Variants in PALM observed in about 807,000 individuals in gnomAD.
PALM encodes the protein paralemmin.
A neutral mutation model predicts 30.7 loss-of-function variants in PALM; 18 were observed. The observed-to-expected ratio is 0.59, with a 90% CI of 0.41 to 0.87. The LOEUF (loss-of-function observed/expected upper bound fraction) is 0.87, where lower values mean the gene tolerates loss of function less well. Ranked by LOEUF, PALM falls within the 40% of genes least tolerant of loss-of-function variation. PALM has a pLI of 0.00. For missense variants in PALM, 529 were observed against 555.4 expected, an observed-to-expected ratio of 0.95 and a Z score of 0.48; for synonymous variants, 286 against 242.8, an observed-to-expected ratio of 1.18 and a Z score of -1.66.
At chr19:741,519 C>CTGGGCTGCA (rs1478972286) in intron 8 of PALM, among the ~76,000 whole-genome samples, 167 of 986 alleles carry the variant, frequency 0.17, 52 homozygotes, top group African/African-American at 0.29. Context: ...TGAGGGGAGA[C>CTGGGCTGCA]GGGGTGAGGG....
intron 1 of PALM, among the ~76,000 whole-genome samples, chr19:711,491 T>C (rs1021189628): frequency 2.0e-5 from 3 of 152,180 alleles, no homozygotes; most frequent in African/African-American, 7.2e-5. Flanking sequence ...AAAGTCTCCG[T>C]TGGGTGCTAA....
intron 1 of PALM, among the ~76,000 whole-genome samples, chr19:716,597 C>G (rs1260651032): frequency 2.0e-5 from 3 of 152,152 alleles, no homozygotes; most frequent in African/African-American, 7.2e-5. Context: ...GACAGAGGCC[C>G]AGGGTTCTTC....
At chr19:726,772 G>A (rs1599148390) in intron 2 of PALM, among the ~76,000 whole-genome samples, 1 of 152,312 alleles carries the variant, frequency 6.6e-6, no homozygotes, top group South Asian at 2.1e-4. Context: ...CAAAGTGCTG[G>A]GATTACAGGC....
intron 3 of PALM, 76 bp downstream of exon 3, chr19:727,164 C>T: frequency 1.1e-5 from 10 of 925,620 alleles, no homozygotes; most frequent in South Asian, 1.4e-5. Flanking sequence ...CCTGCCCAAC[C>T]CTGACCCTGA....
intron 8 of PALM, among the ~76,000 whole-genome samples, chr19:743,690 G>A (rs908999118): frequency 2.6e-5 from 4 of 151,878 alleles, no homozygotes; most frequent in South Asian, 2.1e-4. Flanking sequence ...CCAGGCAGCC[G>A]TGTTTCTAGA....
chr19:729,704 C>T (rs1410088673), intron 4 of PALM, among the ~76,000 whole-genome samples: 3 of 151,940 alleles, frequency 2.0e-5, no homozygotes, highest in Admixed American at 1.3e-4. Flanking sequence ...TCAGCTGATC[C>T]GCCCGCCTCT....
chr19:729,517 G>C (rs147693109), intron 4 of PALM, among the ~76,000 whole-genome samples: 1,868 of 141,260 alleles, frequency 0.013, 29 homozygotes, highest in Non-Finnish European at 0.018. Context: ...CCAGGCTGGA[G>C]TGCGGTGGCG....
intron 8 of PALM, among the ~76,000 whole-genome samples, chr19:744,546 A>T (rs2144930910): frequency 6.6e-6 from 1 of 152,328 alleles, no homozygotes; most frequent in South Asian, 2.1e-4. Flanking sequence ...GTTAGAATGA[A>T]TGAAAATTTC....
chr19:726,973 C>T (rs1459401900), intron 2 of PALM, 35 bp from the exon 3 acceptor site: 24 of 1,252,258 alleles, frequency 1.9e-5, no homozygotes, highest in East Asian at 5.3e-5. Context: ...GGGACCCCCA[C>T]GCCCATCCCT....
At chr19:744,536 G>T (rs1429944190) in intron 8 of PALM, among the ~76,000 whole-genome samples, 1 of 152,132 alleles carries the variant, frequency 6.6e-6, no homozygotes, top group Admixed American at 6.6e-5. Context: ...TTTAACTCAA[G>T]TTAGAATGAA....
Position 712,555 on chromosome 19 carries a change from TTG to T in PALM, c.5+3408_5+3409del, listed in dbSNP as rs1403107462. 2.0e-5 allele frequency among the ~76,000 whole-genome samples: 3 copies of T among 150,338 alleles called. No individual in the cohort carries two copies. The East Asian group carries it at 5.9e-4, about 29-fold the overall frequency. On this transcript the variant is annotated intron_variant, in intron 1 of 8. Coordinates refer to ENST00000338448, the MANE Select transcript of PALM (RefSeq NM_002579.3). ...CCCACCATCACGCCCGGCTAATTTT[TTG>T]TGTTTTTGGTAGAGACAGGGTTTCA...
Position 746,888 on chromosome 19 carries a change from C to T in PALM, c.*74C>T, listed in dbSNP as rs1599174413. On this transcript the variant is annotated 3_prime_UTR_variant, in exon 9 of 9. Transcript: ENST00000338448. The surrounding 1 kb of genome is among the most constrained non-coding windows in gnomAD (Gnocchi z 7.1). ...AGCCCGGCCCCTCCCGGCGCCTGCC[C>T]ACCCTCCACCCACAGCCTCACGGGT... The T allele has an allele frequency of 2.4e-6, 2 of 820,178 alleles. No individual in the cohort carries two copies. Among genetic ancestry groups the T allele is most frequent in the Non-Finnish European group, 3.8e-6 (2 of 532,926 alleles). The allele number at this position is 820,178 out of a possible 1,614,324, so 50.8% of individuals were successfully genotyped here.
intron 3 of PALM, 143 bp downstream of exon 3, chr19:727,231 T>TGACCCCGACCCC (rs71174319): frequency 5.4e-5 from 32 of 593,230 alleles, no homozygotes; most frequent in Middle Eastern, 8.5e-4. Context: ...ACCCCGACCC[T>TGACCCCGACCCC]GACCCCGACC....
At chr19:733,216 G>A (rs545577914) in intron 5 of PALM, among the ~76,000 whole-genome samples, 2 of 152,168 alleles carry the variant, frequency 1.3e-5, no homozygotes, top group East Asian at 1.9e-4. Context: ...ATGAGCCACC[G>A]TGCCCAGCCA....
Position 747,101 on chromosome 19 carries a change from T to G in PALM, c.*287T>G. ...CAAGGACCCCCCATGTCACGGCAGCTTCACAGACGCGGCTCGCGCCCACCG... is the reference window on the plus strand; with the variant it reads ...CAAGGACCCCCCATGTCACGGCAGCGTCACAGACGCGGCTCGCGCCCACCG... On this transcript the variant is annotated 3_prime_UTR_variant, in exon 9 of 9. Transcript: ENST00000338448. 1 of 361,358 alleles carries G rather than the reference T, an allele frequency of 2.8e-6. No homozygotes were observed. 22.4% of individuals were successfully genotyped at this position (361,358 alleles called of 1,614,324 possible).
chr19:732,788 G>A (rs2032913328), intron 5 of PALM, among the ~76,000 whole-genome samples: 1 of 152,070 alleles, frequency 6.6e-6, no homozygotes, highest in Non-Finnish European at 1.5e-5. Flanking sequence ...CAGGGAGGGT[G>A]GTCAGGCCGA....
chr19:737,228 T>TGGGC (rs1250585029), intron 7 of PALM, among the ~76,000 whole-genome samples: 2 of 152,132 alleles, frequency 1.3e-5, no homozygotes, highest in African/African-American at 4.8e-5. Context: ...GTGGTGCCTG[T>TGGGC]GGGCCTCTGT....
At chr19:724,798 A>G (rs1336355137) in intron 1 of PALM, among the ~76,000 whole-genome samples, 1 of 150,766 alleles carries the variant, frequency 6.6e-6, no homozygotes, top group Admixed American at 6.6e-5. Context: ...TTTTATTTTT[A>G]TTTTTGGTAG....
At chr19:727,427 T>C (rs919242706) in intron 3 of PALM, 137 bp from the exon 4 acceptor site, 9 of 692,530 alleles carry the variant, frequency 1.3e-5, no homozygotes, top group Non-Finnish European at 2.3e-5. Flanking sequence ...ACCTCAGCAC[T>C]GATCCCAACC....
Sources: allele counts gnomAD v4.1 joint callset (sites outside exome capture counted in the v4.1 genomes callset), GRCh38; gene constraint gnomAD v4.1.1; non-coding constraint Gnocchi (gnomAD v3.1); transcripts MANE v1.5; gene names NCBI Gene and HGNC (gene_info 2026-07-23, HGNC 2026-07-21).